The following GPC5 variants were observed in gnomAD, a reference collection of about 807,000 sequenced individuals.
GPC5 encodes glypican-5.
Under a neutral mutation model 53.9 loss-of-function variants are expected in GPC5, and 47 were observed. That is an observed-to-expected ratio of 0.87 (90% CI 0.69 to 1.11). The LOEUF (loss-of-function observed/expected upper bound fraction) is 1.11, where lower values mean the gene tolerates loss of function less well. Among genes scored for constraint, GPC5 ranks in the 50% most tolerant of loss-of-function variants. The pLI, the probability that GPC5 is intolerant of heterozygous loss-of-function variation, is 0.00. For missense variants in GPC5, 748 were observed against 713.1 expected (o/e 1.05, Z -0.56); for synonymous variants, 286 against 263.3 (o/e 1.09, Z -0.84).
At chr13:91,515,388 T>G (rs1023783224) in intron 2 of GPC5, among the ~76,000 whole-genome samples, 10 of 152,188 alleles carry the variant, frequency 6.6e-5, no homozygotes, top group Non-Finnish European at 1.5e-4. Flanking sequence ...AGAATGGGAA[T>G]TAATAAGCCT....
chr13:92,011,550 G>T (rs936582575), intron 6 of GPC5, among the ~76,000 whole-genome samples: 1 of 152,130 alleles, frequency 6.6e-6, no homozygotes, highest in African/African-American at 2.4e-5. Context: ...CTTAGTCCCA[G>T]ATCTGCCTCT....
intron 2 of GPC5, among the ~76,000 whole-genome samples, chr13:91,664,356 A>T (rs554217036): frequency 6.6e-6 from 1 of 152,304 alleles, no homozygotes; most frequent in Admixed American, 6.5e-5. Flanking sequence ...CACCTCTGTG[A>T]GGAGTCCCTG....
rs1594552977 is a variant in GPC5, at chr13:92,855,880, C to CA, written c.1562-10395dup. Reference sequence around the variant, plus strand: ...ATAAATTTTTAAAAACTCTATGAACCAAAAAAAGCCTTGCACCAGATGGAT... The same window carrying CA: ...ATAAATTTTTAAAAACTCTATGAACCAAAAAAAAGCCTTGCACCAGATGGAT... On this transcript the variant is annotated intron_variant, in intron 7 of 7. Transcript: ENST00000377067. Among the ~76,000 whole-genome samples the CA allele has an allele frequency of 2.6e-5, 4 of 151,702 alleles. No individual in the cohort carries two copies. In the East Asian group the frequency reaches 5.8e-4, roughly 22 times the overall value.
chr13:91,845,522 G>A (rs1268446745), intron 5 of GPC5, among the ~76,000 whole-genome samples: 2 of 151,978 alleles, frequency 1.3e-5, no homozygotes, highest in African/African-American at 4.8e-5. Flanking sequence ...CAAATTTGAG[G>A]TATACAGTAC....
At chr13:92,579,293 C>T (rs1225662513) in intron 7 of GPC5, among the ~76,000 whole-genome samples, 1 of 76,892 alleles carries the variant, frequency 1.3e-5, no homozygotes, top group African/African-American at 6.4e-5. Flanking sequence ...CTCTCTCTCT[C>T]TCTCTCTCCC....
intron 4 of GPC5, among the ~76,000 whole-genome samples, chr13:91,741,861 A>T (rs2036941170): frequency 6.6e-6 from 1 of 152,196 alleles, no homozygotes; most frequent in South Asian, 2.1e-4. Flanking sequence ...TTTCAGAAAA[A>T]TTTAATATCA....
intron 6 of GPC5, among the ~76,000 whole-genome samples, chr13:92,076,270 C>T (rs1288907446): frequency 1.3e-5 from 2 of 151,892 alleles, no homozygotes; most frequent in African/African-American, 4.8e-5. Flanking sequence ...TTAGTAGAGA[C>T]GGGGTTTCAC....
intron 7 of GPC5, among the ~76,000 whole-genome samples, chr13:92,349,453 CTT>C (rs71120097): frequency 0.044 from 6,332 of 143,206 alleles, 324 homozygotes; most frequent in African/African-American, 0.13. Context: ...CAGGTTTTTT[CTT>C]TTTTTTTTTT....
chr13:91,963,664 A>G (rs925936050), intron 6 of GPC5, among the ~76,000 whole-genome samples: 3 of 152,168 alleles, frequency 2.0e-5, no homozygotes, highest in Non-Finnish European at 4.4e-5. Flanking sequence ...AACAGAGACA[A>G]AAAGATAATG....
chr13:92,840,094 T>TATATATATATACATATATAC (rs1566440582), intron 7 of GPC5, among the ~76,000 whole-genome samples: 1 of 64,966 alleles, frequency 1.5e-5, no homozygotes, highest in African/African-American at 5.9e-5. Flanking sequence ...TATATATATA[T>TATATATATATACATATATAC]ATATATATAT....
chr13:92,096,935 G>C (rs577363591), intron 6 of GPC5, among the ~76,000 whole-genome samples: 1 of 152,180 alleles, frequency 6.6e-6, no homozygotes, highest in Non-Finnish European at 1.5e-5. Context: ...AACCTAGATG[G>C]TCTGAAAAGA....
intron 7 of GPC5, among the ~76,000 whole-genome samples, chr13:92,598,529 A>G (rs1322724321): frequency 5.3e-5 from 8 of 151,958 alleles, no homozygotes; most frequent in South Asian, 2.1e-4. Flanking sequence ...CTCTTATTTA[A>G]CCCTTTTTAT....
chr13:91,735,357 T>G (rs1181847724), intron 4 of GPC5, among the ~76,000 whole-genome samples: 4 of 151,128 alleles, frequency 2.6e-5, no homozygotes, highest in African/African-American at 9.9e-5. Flanking sequence ...TTGTGTTCTT[T>G]TCTTTCACCT....
At chr13:92,374,647 G>T (rs2043678131) in intron 7 of GPC5, among the ~76,000 whole-genome samples, 2 of 136,994 alleles carry the variant, frequency 1.5e-5, no homozygotes, top group African/African-American at 5.4e-5. Flanking sequence ...GGTGGGAATT[G>T]AACAATGAGA....
intron 7 of GPC5, among the ~76,000 whole-genome samples, chr13:92,256,031 C>T (rs1279832609): frequency 2.6e-5 from 4 of 152,020 alleles, no homozygotes; most frequent in Non-Finnish European, 4.4e-5. Context: ...GGTCCAACAA[C>T]ATTGATGTTA....
At chr13:91,408,133 A>G (rs1227282392) in intron 1 of GPC5, among the ~76,000 whole-genome samples, 1 of 152,140 alleles carries the variant, frequency 6.6e-6, no homozygotes, top group African/African-American at 2.4e-5. Flanking sequence ...TCACCATGCT[A>G]TGTAATAGGT....
intron 6 of GPC5, among the ~76,000 whole-genome samples, chr13:91,919,272 C>G (rs962704707): frequency 4.6e-5 from 7 of 152,180 alleles, no homozygotes; most frequent in African/African-American, 1.7e-4. Flanking sequence ...GTTTCCAAAC[C>G]AATTTTACAA....
rs1465059996 is a variant in GPC5 at position 92,146,033 on chromosome 13, G to A, written c.1561+1044G>A. Among the ~76,000 whole-genome samples, 3 of 152,052 alleles carry A rather than the reference G, an allele frequency of 2.0e-5. No homozygotes were observed. In the East Asian group the frequency reaches 5.8e-4, roughly 29 times the overall value. Reference sequence around the variant, plus strand: ...TTAAAAAATGGAAGCCAAAAGAGGTGCAAAATTAAAAAGGCAGTTAACATA... The same window carrying A: ...TTAAAAAATGGAAGCCAAAAGAGGTACAAAATTAAAAAGGCAGTTAACATA... On this transcript the variant is annotated intron_variant, in intron 7 of 7. Coordinates refer to ENST00000377067, the MANE Select transcript of GPC5 (RefSeq NM_004466.6).
At chr13:91,960,639 C>T (rs1349980258) in intron 6 of GPC5, among the ~76,000 whole-genome samples, 1 of 151,930 alleles carries the variant, frequency 6.6e-6, no homozygotes, top group African/African-American at 2.4e-5. Context: ...GGAGGCGTCA[C>T]ACAACTTGAT....
Sources: allele counts gnomAD v4.1 joint callset (sites outside exome capture counted in the v4.1 genomes callset), GRCh38; gene constraint gnomAD v4.1.1; transcripts MANE v1.5; gene names NCBI Gene and HGNC (gene_info 2026-07-23, HGNC 2026-07-21).